PLCB1: variants seen among roughly 807,000 people sequenced by gnomAD.
PLCB1 encodes 1-phosphatidylinositol 4,5-bisphosphate phosphodiesterase beta-1.
Under a neutral mutation model 161.8 loss-of-function variants are expected in PLCB1, and 46 were observed. The observed-to-expected ratio is 0.28, with a 90% CI of 0.22 to 0.36. The LOEUF (loss-of-function observed/expected upper bound fraction) is 0.36. PLCB1 is among the 10% of genes least tolerant of loss of function. The probability of loss-of-function intolerance (pLI) is 1.00; values close to 1 mark genes in which losing one functional copy is unlikely to be tolerated. For synonymous variants in PLCB1, 517 were observed against 503.7 expected, an observed-to-expected ratio of 1.03 and a Z score of -0.35; for missense variants, 1,016 against 1,472.5, an observed-to-expected ratio of 0.69 and a Z score of 5.07.
chr20:8,537,786 A>G (rs938874970), intron 3 of PLCB1, among the ~76,000 whole-genome samples: 1 of 152,200 alleles, frequency 6.6e-6, no homozygotes, highest in African/African-American at 2.4e-5. Context: ...GAGCAGTGAC[A>G]CCCAGAGGAA....
At chr20:8,586,377 G>A (rs183881233) in intron 3 of PLCB1, among the ~76,000 whole-genome samples, 1 of 150,656 alleles carries the variant, frequency 6.6e-6, no homozygotes, top group Non-Finnish European at 1.5e-5. Flanking sequence ...TGCCTAAAAA[G>A]CGTCATCTTT....
intron 3 of PLCB1, among the ~76,000 whole-genome samples, chr20:8,411,938 G>A (rs756186707): frequency 1.5e-4 from 23 of 151,944 alleles, no homozygotes; most frequent in Non-Finnish European, 1.9e-4. Context: ...CAGGAGAATC[G>A]CTTGAGCCCA....
intron 3 of PLCB1, among the ~76,000 whole-genome samples, chr20:8,514,365 G>C: frequency 6.6e-6 from 1 of 151,510 alleles, no homozygotes; most frequent in Non-Finnish European, 1.5e-5. Context: ...ACTTGAACCT[G>C]GGAGGCGGAG....
intron 31 of PLCB1, among the ~76,000 whole-genome samples, chr20:8,869,515 T>C (rs1353585337): frequency 6.6e-6 from 1 of 152,170 alleles, no homozygotes; most frequent in East Asian, 1.9e-4. Flanking sequence ...GTGGCTTGGG[T>C]ATGTATATAA....
chr20:8,657,780 AAAAG>A (rs1463085289), intron 8 of PLCB1, among the ~76,000 whole-genome samples: 3 of 152,270 alleles, frequency 2.0e-5, no homozygotes, highest in African/African-American at 7.2e-5. Context: ...AAAAGGAAAA[AAAAG>A]AAAGAAACCA....
intron 3 of PLCB1, among the ~76,000 whole-genome samples, chr20:8,393,801 A>T (rs908415365): frequency 1.3e-5 from 2 of 152,144 alleles, no homozygotes; most frequent in Non-Finnish European, 2.9e-5. Flanking sequence ...TCTAAAAGCC[A>T]TTTATTATGA....
intron 3 of PLCB1, among the ~76,000 whole-genome samples, chr20:8,612,357 A>G (rs11087811): frequency 0.64 from 97,708 of 151,984 alleles, 32,211 homozygotes; most frequent in East Asian, 0.84. Context: ...ATTCTATGAC[A>G]TAAAGATCCA....
chr20:8,853,515 A>G (rs1396833848), intron 31 of PLCB1, among the ~76,000 whole-genome samples: 2 of 152,204 alleles, frequency 1.3e-5, no homozygotes, highest in Non-Finnish European at 2.9e-5. Context: ...GTTGTTGTAG[A>G]TAGCTGTAGT....
intron 31 of PLCB1, among the ~76,000 whole-genome samples, chr20:8,826,182 G>A (rs556587518): frequency 6.6e-6 from 1 of 152,230 alleles, no homozygotes; most frequent in African/African-American, 2.4e-5. Flanking sequence ...GGAAAGTGGA[G>A]AGAATATAGC....
chr20:8,792,624 G>C (rs1471115327), intron 31 of PLCB1: 1 of 471,144 alleles, frequency 2.1e-6, no homozygotes, highest in Non-Finnish European at 4.4e-6. Context: ...TCTTCCATGA[G>C]GTTGCTCCAT....
chr20:8,742,046 A>T (rs1176556848), intron 23 of PLCB1, among the ~76,000 whole-genome samples: 3 of 152,194 alleles, frequency 2.0e-5, no homozygotes, highest in Admixed American at 2.0e-4. Context: ...TTATTATTAG[A>T]TGGTATATTT....
intron 31 of PLCB1, among the ~76,000 whole-genome samples, chr20:8,836,519 G>A (rs2146284933): frequency 1.2e-5 from 1 of 80,586 alleles, no homozygotes; most frequent in Non-Finnish European, 3.1e-5. Context: ...TTTAGGATGA[G>A]TTTCCTGAAT....
At chr20:8,409,319 G>A (rs1379347211) in intron 3 of PLCB1, among the ~76,000 whole-genome samples, 1 of 152,096 alleles carries the variant, frequency 6.6e-6, no homozygotes, top group Non-Finnish European at 1.5e-5. Flanking sequence ...CTTTTCTATG[G>A]GGGACTATAT....
chr20:8,681,607 T>A (rs1291769978), intron 9 of PLCB1, among the ~76,000 whole-genome samples: 1 of 152,204 alleles, frequency 6.6e-6, no homozygotes, highest in East Asian at 1.9e-4. Flanking sequence ...CTTGCCAGTT[T>A]TCCATACCCT....
chr20:8,739,243 C>T lies in PLCB1; in HGVS notation c.2209-18C>T. The T allele has an allele frequency of 7.0e-7, 1 of 1,427,572 alleles. No individual in the cohort carries two copies. The highest frequency in any genetic ancestry group is 9.9e-7 in the Non-Finnish European group (1 of 1,009,690). 88.4% of individuals were successfully genotyped at this position (1,427,572 alleles called of 1,614,324 possible). A position where few individuals can be genotyped will look rare whatever the true frequency, so the allele number is the denominator to read the frequency against. ...TGTTCATTCTTATAACCAGGTGTGT[C>T]CTTAATGTCCTTTGTAGGTGGTTCT... On this transcript the variant is annotated intron_variant, in intron 20 of 31. Transcript: ENST00000338037.
rs1050239480 is a variant in PLCB1, at chr20:8,615,249, G to T, written c.247-13045G>T. Among the ~76,000 whole-genome samples the T allele has an allele frequency of 2.6e-5, 4 of 152,076 alleles. No individual in the cohort carries two copies. The East Asian group carries it at 7.7e-4, about 29-fold the overall frequency. On this transcript the variant is annotated intron_variant, in intron 3 of 31. Coordinates refer to ENST00000338037, the MANE Select transcript of PLCB1 (RefSeq NM_015192.4). ...TTTTGTTATATATGTTGCCTTGAAT[G>T]TACTAAAATATTTAAGAATTTTGCA...
At chr20:8,661,782 G>A (rs11907340) in intron 9 of PLCB1, among the ~76,000 whole-genome samples, 67,573 of 148,708 alleles carry the variant, frequency 0.45, 15,559 homozygotes, top group Admixed American at 0.49. Context: ...AGTCTCTGGT[G>A]TTCTAGTCTT....
intron 3 of PLCB1, among the ~76,000 whole-genome samples, chr20:8,435,340 G>A (rs771939): frequency 0.52 from 79,434 of 151,958 alleles, 20,855 homozygotes; most frequent in East Asian, 0.69. Context: ...GCTTCTACCC[G>A]GTAGAATATG....
At chr20:8,423,382 T>C (rs1979618446) in intron 3 of PLCB1, among the ~76,000 whole-genome samples, 1 of 152,318 alleles carries the variant, frequency 6.6e-6, no homozygotes, top group Non-Finnish European at 1.5e-5. Flanking sequence ...CCTTAATTAC[T>C]GGTTAAATTG....
Sources: gnomAD v4.1 joint callset for allele counts (sites outside exome capture counted in the v4.1 genomes callset) on GRCh38, gnomAD v4.1.1 for gene constraint, MANE v1.5 for transcripts, NCBI Gene and HGNC (gene_info 2026-07-23, HGNC 2026-07-21) for gene names.